Variants in ATP8B4 observed in about 807,000 individuals in gnomAD.
The protein encoded by ATP8B4 is probable phospholipid-transporting ATPase IM.
A neutral mutation model predicts 145.6 loss-of-function variants in ATP8B4; 133 were observed. The observed-to-expected ratio is 0.91, with a 90% CI of 0.79 to 1.05. ATP8B4 has a LOEUF of 1.05. Ranked by LOEUF, ATP8B4 falls within the 50% of genes least tolerant of loss-of-function variation. The pLI is 0.00. For missense variants in ATP8B4, 1,458 were observed against 1,425.2 expected (o/e 1.02, Z -0.37); for synonymous variants, 507 against 492.9 (o/e 1.03, Z -0.38).
At chr15:49,946,462 A>G (rs1357749847) in intron 14 of ATP8B4, among the ~76,000 whole-genome samples, 3 of 152,224 alleles carry the variant, frequency 2.0e-5, no homozygotes. Context: ...CACAGATTAG[A>G]ACTTAGAAGC....
At chr15:50,160,288 T>C (rs2044497354) in intron 1 of ATP8B4, among the ~76,000 whole-genome samples, 1 of 151,864 alleles carries the variant, frequency 6.6e-6, no homozygotes, top group Non-Finnish European at 1.5e-5. Context: ...TTTTTTATTT[T>C]TCTTAGTCTG....
chr15:50,169,825 T>C (rs944355488), intron 1 of ATP8B4, among the ~76,000 whole-genome samples: 2 of 152,062 alleles, frequency 1.3e-5, no homozygotes, highest in African/African-American at 4.8e-5. Flanking sequence ...ATAGATAGCT[T>C]AAAGAAAAAA....
At chr15:50,021,084 T>C (rs1250762815) in intron 6 of ATP8B4, among the ~76,000 whole-genome samples, 1 of 152,132 alleles carries the variant, frequency 6.6e-6, no homozygotes, top group Non-Finnish European at 1.5e-5. Flanking sequence ...TGTGTGTGCA[T>C]GTGTGTCTGA....
At chr15:49,960,845 A>G (rs1261101112) in intron 14 of ATP8B4, among the ~76,000 whole-genome samples, 1 of 152,162 alleles carries the variant, frequency 6.6e-6, no homozygotes, top group East Asian at 1.9e-4. Context: ...AAAATTATGA[A>G]CCAGAGGCCG....
At chr15:49,912,908 A>T (rs1343095191) in intron 20 of ATP8B4, among the ~76,000 whole-genome samples, 1 of 152,050 alleles carries the variant, frequency 6.6e-6, no homozygotes, top group African/African-American at 2.4e-5. Flanking sequence ...CAGGCAGATC[A>T]TTTGAGCACA....
At chr15:49,943,144 AG>A (rs2042296610) in intron 14 of ATP8B4, among the ~76,000 whole-genome samples, 1 of 152,144 alleles carries the variant, frequency 6.6e-6, no homozygotes, top group Non-Finnish European at 1.5e-5. Context: ...CACCAAACAA[AG>A]ACAAGTCATT....
At chr15:50,116,539 G>C (rs762487899) in intron 1 of ATP8B4, among the ~76,000 whole-genome samples, 3 of 152,158 alleles carry the variant, frequency 2.0e-5, no homozygotes, top group East Asian at 3.8e-4. Flanking sequence ...TGTAGACTTG[G>C]AATCATCAAC....
chr15:50,172,141 C>T (rs969857434), intron 1 of ATP8B4, among the ~76,000 whole-genome samples: 1 of 152,198 alleles, frequency 6.6e-6, no homozygotes, highest in Non-Finnish European at 1.5e-5. Context: ...AATTGGTCTC[C>T]CTCTCCCTCC....
intron 3 of ATP8B4, among the ~76,000 whole-genome samples, chr15:50,056,926 A>G (rs2052652654): frequency 6.6e-6 from 1 of 151,978 alleles, no homozygotes; most frequent in East Asian, 1.9e-4. Flanking sequence ...GAGTCTCGCT[A>G]TGTTGCCCAG....
intron 1 of ATP8B4, among the ~76,000 whole-genome samples, chr15:50,155,142 CTAAG>C (rs1431393792): frequency 1.3e-5 from 2 of 152,030 alleles, no homozygotes; most frequent in African/African-American, 2.4e-5. Context: ...AGGTGTCCAC[CTAAG>C]TAAGAACCTT....
chr15:50,160,979 C>T (rs1035159182), intron 1 of ATP8B4, among the ~76,000 whole-genome samples: 2 of 152,066 alleles, frequency 1.3e-5, no homozygotes, highest in Non-Finnish European at 2.9e-5. Context: ...GTTGAAGTCT[C>T]CAACTATGAT....
At chr15:49,956,852 G>A (rs929168573) in intron 14 of ATP8B4, among the ~76,000 whole-genome samples, 2 of 152,104 alleles carry the variant, frequency 1.3e-5, no homozygotes, top group African/African-American at 2.4e-5. Flanking sequence ...GGCCTGAATA[G>A]ATATTTCTTA....
intron 6 of ATP8B4, among the ~76,000 whole-genome samples, chr15:50,038,292 C>A (rs528673085): frequency 2.0e-5 from 3 of 152,216 alleles, no homozygotes; most frequent in African/African-American, 7.2e-5. Context: ...AATATAAAAG[C>A]AATGAAAAAA....
intron 5 of ATP8B4, among the ~76,000 whole-genome samples, chr15:50,042,081 C>T (rs1310745988): frequency 2.0e-5 from 3 of 150,560 alleles, no homozygotes; most frequent in East Asian, 2.0e-4. Flanking sequence ...CTTGAACCCA[C>T]GAGGCAGAAG....
chr15:49,876,991 G>A (rs542667160), intron 24 of ATP8B4, among the ~76,000 whole-genome samples: 4 of 152,326 alleles, frequency 2.6e-5, no homozygotes, highest in Admixed American at 2.0e-4. Context: ...TCAAATCAGA[G>A]CTCATGACTT....
intron 23 of ATP8B4, among the ~76,000 whole-genome samples, chr15:49,893,258 T>C (rs2037025940): frequency 1.3e-5 from 2 of 152,208 alleles, no homozygotes; most frequent in South Asian, 4.1e-4. Context: ...ATGTGAACTG[T>C]AAATTTTTAA....
At chr15:50,114,510 C>G (rs1366268798) in intron 1 of ATP8B4, 1 of 152,450 alleles carries the variant, frequency 6.6e-6, no homozygotes, top group Non-Finnish European at 1.5e-5. Flanking sequence ...ATTTTCCCCT[C>G]CTTGTCCTCA....
At chr15:50,113,986 A>G (rs4143837) in intron 1 of ATP8B4, among the ~76,000 whole-genome samples, 58,677 of 151,096 alleles carry the variant, frequency 0.39, 11,770 homozygotes, top group East Asian at 0.66. Flanking sequence ...TGTCATGTCC[A>G]TACAGGAGTC....
intron 1 of ATP8B4, among the ~76,000 whole-genome samples, chr15:50,108,727 G>A (rs145089277): frequency 6.6e-6 from 1 of 152,254 alleles, no homozygotes; most frequent in African/African-American, 2.4e-5. Context: ...GATAGGAGGA[G>A]CACTTCCTGT....
Sources: allele counts gnomAD v4.1 joint callset (sites outside exome capture counted in the v4.1 genomes callset), GRCh38; gene constraint gnomAD v4.1.1; transcripts MANE v1.5; gene names NCBI Gene and HGNC (gene_info 2026-07-23, HGNC 2026-07-21).